The following ERI1 variants were observed in gnomAD, a reference collection of about 807,000 sequenced individuals.
ERI1 encodes the protein 3'-5' exoribonuclease 1.
A neutral mutation model predicts 39.7 loss-of-function variants in ERI1; 39 were observed. The observed-to-expected ratio is 0.98, with a 90% CI of 0.76 to 1.28. ERI1 has a LOEUF of 1.28. Ranked by LOEUF, ERI1 falls within the 50% of genes most tolerant of loss-of-function variation. ERI1 has a pLI of 0.00. For missense variants in ERI1, 581 were observed against 416.9 expected (o/e 1.39, Z -3.43); for synonymous variants, 204 against 149.6 (o/e 1.36, Z -2.65).
intron 1 of ERI1, chr8:9,004,277 T>G: frequency 8.5e-7 from 1 of 1,178,924 alleles, no homozygotes; most frequent in Non-Finnish European, 1.1e-6. Flanking sequence ...CAGCCTGAGA[T>G]ACGTTGTCAA....
At chr8:9,037,218 A>C (rs557823879), downstream of ERI1, among the ~76,000 whole-genome samples, 1 of 152,238 alleles carries the variant, frequency 6.6e-6, no homozygotes, top group African/African-American at 2.4e-5. Flanking sequence ...CTGTCTGCCA[A>C]CTTTTACAGT....
intron 3 of ERI1, among the ~76,000 whole-genome samples, chr8:9,081,640 C>T (rs1585292654): frequency 1.3e-5 from 2 of 151,622 alleles, no homozygotes; most frequent in South Asian, 2.1e-4. Flanking sequence ...AAAGGGAACA[C>T]TTAAAACAAC....
chr8:9,033,331 GGAAA>G lies in ERI1; in HGVS notation c.*3301_*3304del, dbSNP rs1797720924. The G allele has an allele frequency of 6.6e-6, 1 of 152,072 alleles. No homozygotes were observed. Among genetic ancestry groups the G allele is most frequent in the Admixed American group, 6.6e-5 (1 of 15,264 alleles). The allele number at this position is 152,072 out of a possible 1,614,324, so 9.4% of individuals were successfully genotyped here. A position where few individuals can be genotyped will look rare whatever the true frequency, so the allele number is the denominator to read the frequency against. On this transcript the variant is annotated 3_prime_UTR_variant, in exon 7 of 7. Transcript: ENST00000250263. ...TTTTAGTTTCTCTAAATAAAGTTTT[GGAAA>G]GAACTACCATTCTCATTTGTTTTCA...
At chr8:9,068,966 CA>C (rs1798969368) in intron 3 of ERI1, among the ~76,000 whole-genome samples, 2 of 152,128 alleles carry the variant, frequency 1.3e-5, no homozygotes, top group South Asian at 4.1e-4. Context: ...TACAGGTGTG[CA>C]CCACCATGCT....
At chr8:9,060,754 G>A (rs1472057133) in intron 3 of ERI1, among the ~76,000 whole-genome samples, 1 of 152,206 alleles carries the variant, frequency 6.6e-6, no homozygotes, top group Non-Finnish European at 1.5e-5. Context: ...TGGCCGTGAA[G>A]GACAGAAGTT....
At chr8:9,053,013 GT>G (rs1315950229) in intron 3 of ERI1, among the ~76,000 whole-genome samples, 1 of 151,660 alleles carries the variant, frequency 6.6e-6, no homozygotes, top group Non-Finnish European at 1.5e-5. Context: ...ATTTATTTTT[GT>G]TTTTGTTTTT....
At chr8:9,075,185 A>G (rs1799170509) in intron 3 of ERI1, among the ~76,000 whole-genome samples, 1 of 152,250 alleles carries the variant, frequency 6.6e-6, no homozygotes, top group African/African-American at 2.4e-5. Context: ...ACACAGAAGA[A>G]AAGTCTTATC....
rs111765258 is a variant in ERI1, at chr8:9,015,423, G to A, written c.499-899G>A. Among the ~76,000 whole-genome samples the A allele has an allele frequency of 7.9e-3, 1,202 of 152,134 alleles. 15 individuals are homozygous for A. Among genetic ancestry groups the A allele is most frequent in the African/African-American group, 0.028 (1,155 of 41,480 alleles). ...GTTAGGGAGGCATTACTGGCTAGAG[G>A]AAAAAGCACTTAGAGATCGGAGCCT... On this transcript the variant is annotated intron_variant, in intron 3 of 6. Coordinates refer to ENST00000250263, the MANE Select transcript of ERI1 (RefSeq NM_153332.4).
At chr8:9,094,528 C>G (rs1379550797) in intron 3 of ERI1, among the ~76,000 whole-genome samples, 1 of 152,182 alleles carries the variant, frequency 6.6e-6, no homozygotes, top group African/African-American at 2.4e-5. Context: ...TGGCTCTGTT[C>G]CCTCTCCTTC....
At chr8:9,039,212 C>A (rs1441811292) in intron 3 of ERI1, among the ~76,000 whole-genome samples, 1 of 152,268 alleles carries the variant, frequency 6.6e-6, no homozygotes, top group South Asian at 2.1e-4. Context: ...GAAAATCCAA[C>A]CTGTTACTTT....
chr8:9,021,186 TC>T (rs1817852368), intron 6 of ERI1, among the ~76,000 whole-genome samples: 1 of 152,178 alleles, frequency 6.6e-6, no homozygotes, highest in Non-Finnish European at 1.5e-5. Flanking sequence ...ATAATTTACT[TC>T]CGCGGTTGTT....
intron 4 of ERI1, among the ~76,000 whole-genome samples, chr8:9,017,188 C>G (rs971594864): frequency 6.6e-6 from 1 of 152,106 alleles, no homozygotes; most frequent in African/African-American, 2.4e-5. Flanking sequence ...TATAGGCACA[C>G]ACCACGATGA....
rs1297507639 is a variant in ERI1, at chr8:9,059,352, A to G, written n.299+38888A>G. On this transcript the variant is annotated intron_variant and non_coding_transcript_variant, in intron 3 of 3. Transcript: ENST00000518663. ...ATATTAATAAGAAAAATAAAATGAA[A>G]TAGTGGTAAAGTGTTGGGGTGGCGA... 3.3e-5 allele frequency among the ~76,000 whole-genome samples: 5 copies of G among 152,204 alleles called. No individual in the cohort carries two copies. In the East Asian group the frequency reaches 9.7e-4, roughly 29 times the overall value.
At chr8:9,066,772 G>T (rs1798893401) in intron 3 of ERI1, among the ~76,000 whole-genome samples, 1 of 152,078 alleles carries the variant, frequency 6.6e-6, no homozygotes, top group Non-Finnish European at 1.5e-5. Context: ...AATGTGACAG[G>T]CGGGTGAGTT....
intron 3 of ERI1, among the ~76,000 whole-genome samples, chr8:9,079,136 G>A (rs549057074): frequency 4.6e-5 from 7 of 152,190 alleles, no homozygotes; most frequent in Non-Finnish European, 1.0e-4. Flanking sequence ...GATTTATTAG[G>A]GAATTTTAAT....
intron 3 of ERI1, among the ~76,000 whole-genome samples, chr8:9,076,332 T>A (rs1799210995): frequency 6.6e-6 from 1 of 152,164 alleles, no homozygotes; most frequent in African/African-American, 2.4e-5. Flanking sequence ...AGAGAGGGTA[T>A]AAATTACAGG....
chr8:9,066,030 A>T (rs868596353), intron 3 of ERI1, among the ~76,000 whole-genome samples: 7 of 151,282 alleles, frequency 4.6e-5, no homozygotes, highest in South Asian at 2.1e-4. Flanking sequence ...CTGCCTGGCT[A>T]TCCTCCTCAT....
rs1429023876 is a variant in ERI1 at position 9,014,468 on chromosome 8, G to T, written c.499-1854G>T. Among the ~76,000 whole-genome samples the T allele has an allele frequency of 2.0e-5, 3 of 152,222 alleles. No individual in the cohort carries two copies. In the East Asian group the frequency reaches 5.8e-4, roughly 29 times the overall value. On this transcript the variant is annotated intron_variant, in intron 3 of 6. Transcript: ENST00000250263. ...AGGGAGTCTCCTACTTTATCTTCCT[G>T]AGTAGCTGGGATTACAGGCACCCAG...
chr8:9,008,056 T>A lies in ERI1; in HGVS notation c.195T>A (p.Val65=). 6.2e-7 allele frequency: 1 copy of A among 1,610,274 alleles called. No homozygotes were observed. The change falls in exon 2 of 7, where the codon GTT becomes GTA. Residue 65 remains valine, a synonymous_variant. Coordinates refer to ENST00000250263, the MANE Select transcript of ERI1 (RefSeq NM_153332.4). ...TSSASDFSDP[V]YKEIAITNGC... ...GTGCGAGTGACTTCAGTGACCCGGT[T>A]TACAAAGAGATTGCCATTACGAATG...
Sources: gnomAD v4.1 joint callset for allele counts (sites outside exome capture counted in the v4.1 genomes callset) on GRCh38, gnomAD v4.1.1 for gene constraint, MANE v1.5 for transcripts, NCBI Gene and HGNC (gene_info 2026-07-23, HGNC 2026-07-21) for gene names.